The following C7orf33 variants were observed in gnomAD, a reference collection of about 807,000 sequenced individuals.
The protein encoded by C7orf33 is uncharacterized protein C7orf33.
A neutral mutation model predicts 13.4 loss-of-function variants in C7orf33; 15 were observed. The observed-to-expected ratio is 1.12, with a 90% CI of 0.75 to 1.72. The LOEUF is 1.72. Ranked by LOEUF, C7orf33 falls within the 40% of genes most tolerant of loss-of-function variation. The probability of loss-of-function intolerance (pLI) is 0.00; values close to 1 mark genes in which losing one functional copy is unlikely to be tolerated. For synonymous variants in C7orf33, 73 were observed against 83.2 expected (o/e 0.88, Z 0.67); for missense variants, 187 against 220.3 (o/e 0.85, Z 0.96).
At chr7:148,600,088 C>T (rs990556222) in intron 1 of C7orf33, among the ~76,000 whole-genome samples, 2 of 151,088 alleles carry the variant, frequency 1.3e-5, no homozygotes, top group East Asian at 3.9e-4. Flanking sequence ...GGAAAACAGG[C>T]TCCAATGGGC....
chr7:148,594,849 T>C (rs1414444335), intron 1 of C7orf33, among the ~76,000 whole-genome samples: 1 of 152,108 alleles, frequency 6.6e-6, no homozygotes, highest in Non-Finnish European at 1.5e-5. Flanking sequence ...AGAAGGACAA[T>C]GTCTATGTTA....
At chr7:148,611,332 C>T (rs1446335480) in intron 1 of C7orf33, among the ~76,000 whole-genome samples, 3 of 152,102 alleles carry the variant, frequency 2.0e-5, no homozygotes, top group African/African-American at 7.2e-5. Flanking sequence ...CATCCTGTAC[C>T]CATATAAACC....
intron 1 of C7orf33, among the ~76,000 whole-genome samples, chr7:148,608,338 G>T (rs12669669): frequency 0.49 from 73,643 of 151,790 alleles, 18,631 homozygotes; most frequent in East Asian, 0.68. Context: ...GCTGAGGCAG[G>T]AGAATCGCTT....
chr7:148,614,477 T>A (rs1443610930), intron 2 of C7orf33, among the ~76,000 whole-genome samples, 181 bp downstream of exon 2: 1 of 152,226 alleles, frequency 6.6e-6, no homozygotes, highest in Admixed American at 6.5e-5. Context: ...ACTTGATTTA[T>A]GTTAAGATAA....
At chr7:148,595,714 T>C (rs1469323827) in intron 1 of C7orf33, among the ~76,000 whole-genome samples, 1 of 137,118 alleles carries the variant, frequency 7.3e-6, no homozygotes, top group Non-Finnish European at 1.5e-5. Context: ...ATATTATATA[T>C]ATTATATATA....
intron 1 of C7orf33, among the ~76,000 whole-genome samples, chr7:148,592,415 G>A (rs553912472): frequency 6.6e-6 from 1 of 152,148 alleles, no homozygotes; most frequent in Admixed American, 6.5e-5. Flanking sequence ...AATCAATGAC[G>A]TATATGTGCT....
At chr7:148,597,749 G>GTT (rs1447696440) in intron 1 of C7orf33, among the ~76,000 whole-genome samples, 2 of 151,720 alleles carry the variant, frequency 1.3e-5, no homozygotes, top group Admixed American at 1.3e-4. Context: ...GTTTTGTTTT[G>GTT]TTTTGTTTTG....
At chr7:148,612,638 C>T (rs542343781) in intron 1 of C7orf33, among the ~76,000 whole-genome samples, 7 of 152,200 alleles carry the variant, frequency 4.6e-5, no homozygotes, top group Middle Eastern at 3.4e-3. Flanking sequence ...TGAAGAGATA[C>T]TCAACATCAT....
intron 1 of C7orf33, among the ~76,000 whole-genome samples, chr7:148,608,537 G>A (rs1330095544): frequency 2.0e-5 from 3 of 151,790 alleles, no homozygotes; most frequent in Non-Finnish European, 2.9e-5. Context: ...CTAAATTGCC[G>A]TGGCTCAGTG....
At chr7:148,598,759 TATATAGAGAGAGAGAGAGAGAG>T (rs1406465783) in intron 1 of C7orf33, among the ~76,000 whole-genome samples, 58 of 32,922 alleles carry the variant, frequency 1.8e-3, no homozygotes, top group African/African-American at 7.4e-3. Context: ...TATATATATA[TATATAGAGAGAGAGAGAGAGAG>T]AGAGAGAGAG....
rs775170101 is a variant in C7orf33 at position 148,615,373 on chromosome 7, C to G, written c.506C>G (p.Thr169Arg). 6.2e-7 allele frequency: 1 copy of G among 1,613,298 alleles called. No individual in the cohort carries two copies. Among genetic ancestry groups the G allele is most frequent in the Non-Finnish European group, 8.5e-7 (1 of 1,179,270 alleles). ...VRKLQNSVEA[T>R]RISRTDSS ...AAGCTCCAGAATTCTGTTGAGGCCA[C>G]AAGGATTTCCAGAACTGACAGCAGT... The change falls in exon 3 of 3, where the codon ACA becomes AGA. Residue 169 changes from threonine to arginine, a missense_variant. By Grantham distance (71) the Thr-to-Arg change is moderately conservative. Coordinates refer to ENST00000307003, the MANE Select transcript of C7orf33 (RefSeq NM_145304.4).
chr7:148,591,069 G>A lies in C7orf33; in HGVS notation c.144G>A (p.Trp48Ter), dbSNP rs575605385. The A allele has an allele frequency of 1.2e-6, 2 of 1,614,050 alleles. No individual in the cohort carries two copies. Among genetic ancestry groups the A allele is most frequent in the East Asian group, 2.2e-5 (1 of 44,868 alleles). ...TGAGTGGGAGGGCAGTCGCTGTTTG[G>A]GTCCACGTTAGGGGCGGTCCAGGTC... is the stretch of plus-strand genomic sequence containing the variant. ...LRLSGRAVAV[W>*]VHVRGGPGQF... The change falls in exon 1 of 3, where the codon TGG (tryptophan) becomes TGA (stop). Residue 48 changes from tryptophan to a stop codon, truncating the protein, a stop_gained. Coordinates refer to ENST00000307003, the MANE Select transcript of C7orf33 (RefSeq NM_145304.4). LOFTEE classifies it high-confidence loss of function.
chr7:148,595,438 A>C (rs186513584), intron 1 of C7orf33, among the ~76,000 whole-genome samples: 4,049 of 131,908 alleles, frequency 0.031, 237 homozygotes, highest in African/African-American at 0.11. Flanking sequence ...TATCTATATA[A>C]TATAGATATA....
In C7orf33 at chr7:148,607,396, TTTC is replaced by T. The variant is rs561401370; in HGVS notation, c.205-6640_205-6638del. The stretch of plus-strand genomic sequence containing the variant: ...AGGGCAGAGAGCTTTCCTGCATCTG[TTTC>T]TTCTTAATTGTCTTCAGCTCGACAA... On this transcript the variant is annotated intron_variant, in intron 1 of 2. Transcript: ENST00000307003. Among the ~76,000 whole-genome samples, 140 of 152,282 alleles carry T rather than the reference TTTC, an allele frequency of 9.2e-4. 1 individual carries two copies. The highest frequency in any genetic ancestry group is 3.1e-3 in the African/African-American group (129 of 41,538).
At chr7:148,598,725 GATATATATATATATATAT>G (rs1161811167) in intron 1 of C7orf33, among the ~76,000 whole-genome samples, 13 of 24,382 alleles carry the variant, frequency 5.3e-4, no homozygotes, top group Admixed American at 1.8e-3. Flanking sequence ...TTCATTCCTG[GATATATATATATATATAT>G]ATATATATAT....
rs866649013 is a variant in C7orf33, at chr7:148,609,171, A to C, written c.205-4871A>C. On this transcript the variant is annotated intron_variant, in intron 1 of 2. Transcript: ENST00000307003. ...AGGTAGCACATCAACAAGATTCTGG[A>C]ATAAATACAGTACTAACTCCCATCC... 9.2e-5 allele frequency among the ~76,000 whole-genome samples: 14 copies of C among 152,006 alleles called. No individual in the cohort carries two copies. In the South Asian group the frequency reaches 2.9e-3, roughly 32 times the overall value.
At chr7:148,597,367 T>C (rs1313935626) in intron 1 of C7orf33, among the ~76,000 whole-genome samples, 1 of 152,174 alleles carries the variant, frequency 6.6e-6, no homozygotes, top group Non-Finnish European at 1.5e-5. Flanking sequence ...CTGCAACCTA[T>C]GCCTCCCGAG....
At chr7:148,598,724 GGA>G (rs1563121253) in intron 1 of C7orf33, among the ~76,000 whole-genome samples, 46 of 16,018 alleles carry the variant, frequency 2.9e-3, no homozygotes, top group African/African-American at 0.011. Context: ...TTTCATTCCT[GGA>G]TATATATATA....
intron 1 of C7orf33, among the ~76,000 whole-genome samples, chr7:148,595,268 G>T (rs569211473): frequency 1.5e-5 from 2 of 137,674 alleles, no homozygotes; most frequent in South Asian, 2.3e-4. Flanking sequence ...ATAATATAGA[G>T]ATATCTATAT....
Sources: allele counts gnomAD v4.1 joint callset (sites outside exome capture counted in the v4.1 genomes callset), GRCh38; gene constraint gnomAD v4.1.1; transcripts MANE v1.5; gene names NCBI Gene and HGNC (gene_info 2026-07-23, HGNC 2026-07-21).